The following MAML2 variants were observed in gnomAD, a reference collection of about 807,000 sequenced individuals.
MAML2 encodes the protein mastermind-like protein 2.
Under a neutral mutation model 96.1 loss-of-function variants are expected in MAML2, and 22 were observed. That is an observed-to-expected ratio of 0.23 (90% CI 0.16 to 0.33). The LOEUF (loss-of-function observed/expected upper bound fraction) is 0.33. Among genes scored for constraint, MAML2 ranks in the 10% least tolerant of loss-of-function variants. The probability of loss-of-function intolerance (pLI) is 1.00; values close to 1 mark genes in which losing one functional copy is unlikely to be tolerated. For missense variants in MAML2, 1,367 were observed against 1,392.4 expected, an observed-to-expected ratio of 0.98 and a Z score of 0.29; for synonymous variants, 561 against 521.3, an observed-to-expected ratio of 1.08 and a Z score of -1.04.
At chr11:95,983,244 G>A (rs932700211) in intron 4 of MAML2, among the ~76,000 whole-genome samples, 3 of 152,094 alleles carry the variant, frequency 2.0e-5, no homozygotes, top group Non-Finnish European at 4.4e-5. Context: ...GTGTGTTTGT[G>A]TGTGTTTGTG....
At chr11:96,179,074 GCAA>G (rs1861442167) in intron 1 of MAML2, among the ~76,000 whole-genome samples, 1 of 152,084 alleles carries the variant, frequency 6.6e-6, no homozygotes, top group Non-Finnish European at 1.5e-5. Context: ...TTACGTCTGT[GCAA>G]GTGTCTGTCA....
chr11:96,028,392 C>G (rs1858558203), intron 2 of MAML2, among the ~76,000 whole-genome samples: 1 of 152,148 alleles, frequency 6.6e-6, no homozygotes, highest in Non-Finnish European at 1.5e-5. Context: ...TCCACTTCCC[C>G]TGGGAGGCCT....
At chr11:96,328,596 T>C (rs1591135240) in intron 1 of MAML2, among the ~76,000 whole-genome samples, 1 of 152,130 alleles carries the variant, frequency 6.6e-6, no homozygotes, top group East Asian at 1.9e-4. Context: ...AGAGCTGTGC[T>C]CTAACTGAAT....
intron 1 of MAML2, among the ~76,000 whole-genome samples, chr11:96,108,489 GTGTGACCTT>G (rs1860062818): frequency 6.6e-6 from 1 of 152,108 alleles, no homozygotes; most frequent in Admixed American, 6.5e-5. Flanking sequence ...CTTACTAGTA[GTGTGACCTT>G]GGGCAAGTCA....
chr11:95,989,372 G>C (rs1163122371), intron 3 of MAML2, among the ~76,000 whole-genome samples: 3 of 152,216 alleles, frequency 2.0e-5, no homozygotes, highest in Non-Finnish European at 2.9e-5. Context: ...TCATCTCACA[G>C]TTTATGCCAC....
In MAML2 at chr11:96,235,194, T is replaced by C. The variant is rs370818091; in HGVS notation, c.513+106189A>G. 3.3e-5 allele frequency among the ~76,000 whole-genome samples: 5 copies of C among 152,288 alleles called. No homozygotes were observed. The East Asian group carries it at 9.6e-4, about 29-fold the overall frequency. ...GCTCCCAACGAGACTTCCATGCTTA[T>C]TTTCTCCTTTAGATCCAGAGCAAAC... On this transcript the variant is annotated intron_variant, in intron 1 of 4. Transcript: ENST00000524717.
At chr11:96,254,298 G>A (rs1204447453) in intron 1 of MAML2, among the ~76,000 whole-genome samples, 1 of 151,874 alleles carries the variant, frequency 6.6e-6, no homozygotes, top group Admixed American at 6.6e-5. Context: ...GTTGCCGGAC[G>A]TGAGAAAAAC....
chr11:96,241,243 G>A (rs1447477321), intron 1 of MAML2, among the ~76,000 whole-genome samples: 1 of 152,242 alleles, frequency 6.6e-6, no homozygotes, highest in East Asian at 1.9e-4. Flanking sequence ...TGCTTTAGCA[G>A]AGAAACCAAC....
At chr11:96,127,007 A>G (rs1338471844) in intron 1 of MAML2, among the ~76,000 whole-genome samples, 2 of 152,200 alleles carry the variant, frequency 1.3e-5, no homozygotes, top group African/African-American at 2.4e-5. Flanking sequence ...ACACAGTCTC[A>G]TCACTTGTTG....
chr11:96,033,415 T>G (rs1191223275), intron 2 of MAML2, among the ~76,000 whole-genome samples: 1 of 152,234 alleles, frequency 6.6e-6, no homozygotes, highest in African/African-American at 2.4e-5. Context: ...CCTGTTAAAA[T>G]GCCTGGCAGG....
chr11:96,140,653 C>T (rs527614973), intron 1 of MAML2, among the ~76,000 whole-genome samples: 32 of 152,308 alleles, frequency 2.1e-4, no homozygotes, highest in Middle Eastern at 3.4e-3. Flanking sequence ...TGCCCCTAGA[C>T]GTCACTCTCT....
At chr11:96,206,557 G>T (rs1017297178) in intron 1 of MAML2, among the ~76,000 whole-genome samples, 2 of 152,152 alleles carry the variant, frequency 1.3e-5, no homozygotes, top group African/African-American at 4.8e-5. Context: ...GAGATTGTAC[G>T]ACTGCACTGC....
intron 1 of MAML2, among the ~76,000 whole-genome samples, chr11:96,261,777 CT>C (rs1192663984): frequency 2.6e-5 from 4 of 152,220 alleles, no homozygotes; most frequent in Non-Finnish European, 4.4e-5. Context: ...AATTCAGTAA[CT>C]ATTTCAATGT....
Position 96,341,883 on chromosome 11 carries a change from C to A in MAML2, c.13G>T (p.Ala5Ser). ...CCTCCTGCGGGGGCCTGCGGGGGCG[C>A]TGTGTCCCCCATCTTACCGGACACA... MGDT[A>S]PPQAPAGGLG... Residue 5 changes from alanine to serine, a missense_variant, in exon 1 of 5, where the codon GCG (alanine) becomes TCG (serine). Ala to Ser is a moderately conservative substitution (Grantham distance 99). Transcript: ENST00000524717. 6.5e-7 allele frequency: 1 copy of A among 1,530,370 alleles called. No homozygotes were observed. The highest frequency in any genetic ancestry group is 2.0e-5 in the Admixed American group (1 of 49,876). 94.8% of individuals were successfully genotyped at this position (1,530,370 alleles called of 1,614,324 possible).
chr11:96,169,742 C>T (rs1861252829), intron 1 of MAML2, among the ~76,000 whole-genome samples: 2 of 150,722 alleles, frequency 1.3e-5, no homozygotes, highest in Non-Finnish European at 2.9e-5. Flanking sequence ...GCAACCTCTA[C>T]CTCCCAGGTT....
At chr11:96,269,926 G>A (rs1337176607) in intron 1 of MAML2, among the ~76,000 whole-genome samples, 1 of 144,088 alleles carries the variant, frequency 6.9e-6, no homozygotes, top group Non-Finnish European at 1.5e-5. Context: ...GAGCCCCAGA[G>A]CTCAGAAACC....
chr11:95,985,918 T>C (rs1857817401), intron 3 of MAML2, among the ~76,000 whole-genome samples: 1 of 152,194 alleles, frequency 6.6e-6, no homozygotes, highest in Admixed American at 6.5e-5. Flanking sequence ...GCAATTCAAT[T>C]TCAATGAGAA....
intron 1 of MAML2, among the ~76,000 whole-genome samples, chr11:96,180,246 C>T (rs190166312): frequency 3.3e-5 from 5 of 152,132 alleles, no homozygotes; most frequent in Admixed American, 2.0e-4. Flanking sequence ...GCTCTTCTGG[C>T]GATGTGATTT....
At chr11:96,277,041 C>T (rs755271150) in intron 1 of MAML2, among the ~76,000 whole-genome samples, 17 of 152,048 alleles carry the variant, frequency 1.1e-4, no homozygotes, top group Non-Finnish European at 1.9e-4. Flanking sequence ...TGTAAAAACT[C>T]ACAGCATGAA....
Sources: allele counts gnomAD v4.1 joint callset (sites outside exome capture counted in the v4.1 genomes callset), GRCh38; gene constraint gnomAD v4.1.1; transcripts MANE v1.5; gene names NCBI Gene and HGNC (gene_info 2026-07-23, HGNC 2026-07-21).